SYT6: variants seen among roughly 807,000 people sequenced by gnomAD.
SYT6 encodes synaptotagmin 6.
In SYT6, 24 loss-of-function variants were observed where a neutral mutation model predicts 38.4. The observed-to-expected ratio is 0.62, with a 90% CI of 0.45 to 0.88. The LOEUF is 0.88. Ranked by LOEUF, SYT6 falls within the 40% of genes least tolerant of loss-of-function variation. The pLI is 0.00. For synonymous variants in SYT6, 265 were observed against 241.9 expected (o/e 1.10, Z -0.89); for missense variants, 611 against 621.0 (o/e 0.98, Z 0.17).
At chr1:114,109,861 T>C (rs1260685075) in intron 3 of SYT6, among the ~76,000 whole-genome samples, 5 of 152,174 alleles carry the variant, frequency 3.3e-5, no homozygotes, top group African/African-American at 4.8e-5. Context: ...GACAGGTCAG[T>C]AAAAGTAGAT....
chr1:114,153,346 G>A (rs1393284214), intron 1 of SYT6, among the ~76,000 whole-genome samples: 1 of 152,220 alleles, frequency 6.6e-6, no homozygotes, highest in African/African-American at 2.4e-5. Context: ...CGTCCTGGGA[G>A]CCTGGCTGTC....
At position 114,133,734 on chromosome 1, in the gene SYT6, C is replaced by A. The variant is rs377067627; in HGVS notation, c.1071+3761G>T. On this transcript the variant is annotated intron_variant, in intron 3 of 7. Transcript: ENST00000610222. ...ACGAGGCCTCCGACTGCCCTGCAGG[C>A]CCGGTTTGCTCTGGCTCTCCAGCCA... 2.6e-5 allele frequency among the ~76,000 whole-genome samples: 4 copies of A among 152,328 alleles called. No homozygotes were observed. The East Asian group carries it at 7.7e-4, about 29-fold the overall frequency.
intron 3 of SYT6, among the ~76,000 whole-genome samples, chr1:114,107,161 G>C (rs77022746): frequency 6.6e-6 from 1 of 152,158 alleles, no homozygotes; most frequent in East Asian, 1.9e-4. Flanking sequence ...TGTCTCTTTT[G>C]GGGGAGTCTG....
At chr1:114,093,830 T>G in intron 6 of SYT6, 27 bp from the exon 7 acceptor site, 1 of 1,612,028 alleles carries the variant, frequency 6.2e-7, no homozygotes, top group East Asian at 2.2e-5. Context: ...GATAAATAAA[T>G]GCCTGGTTGT....
intron 1 of SYT6, among the ~76,000 whole-genome samples, chr1:114,151,889 T>C (rs560907339): frequency 3.9e-5 from 6 of 152,262 alleles, no homozygotes; most frequent in African/African-American, 1.4e-4. Flanking sequence ...GGGAATCAAC[T>C]TCCCCAACCT....
chr1:114,132,429 G>A (rs915235771), intron 3 of SYT6, among the ~76,000 whole-genome samples: 22 of 152,138 alleles, frequency 1.4e-4, no homozygotes, highest in Admixed American at 1.2e-3. Context: ...GTGGGGTTTC[G>A]GCCTCTGCTG....
intron 3 of SYT6, among the ~76,000 whole-genome samples, chr1:114,123,767 AC>A (rs2101047192): frequency 6.6e-6 from 1 of 152,226 alleles, no homozygotes; most frequent in African/African-American, 2.4e-5. Flanking sequence ...TTCTTCAAAT[AC>A]TAAGGGTGAG....
rs1459205699 is a variant in SYT6 at position 114,090,673 on chromosome 1, A to C, written c.*1461T>G. 2.6e-5 allele frequency: 4 copies of C among 152,400 alleles called. No homozygotes were observed. The highest frequency in any genetic ancestry group is 5.9e-5 in the Non-Finnish European group (4 of 68,040). The allele number at this position is 152,400 out of a possible 1,614,324, so 9.4% of individuals were successfully genotyped here. A position where few individuals can be genotyped will look rare whatever the true frequency, so the allele number is the denominator to read the frequency against. ...TTGCAAGTAGTACACACAGCTCAGG[A>C]AACTGGCACTGTGTCGCCACAAGTC... On this transcript the variant is annotated 3_prime_UTR_variant, in exon 8 of 8. Coordinates refer to ENST00000610222, the MANE Select transcript of SYT6 (RefSeq NM_001253772.2).
At chr1:114,116,390 A>G (rs560443529) in intron 3 of SYT6, among the ~76,000 whole-genome samples, 2 of 152,146 alleles carry the variant, frequency 1.3e-5, no homozygotes, top group Non-Finnish European at 2.9e-5. Context: ...AGATCTTTGT[A>G]CCTGAGGTCT....
intron 3 of SYT6, among the ~76,000 whole-genome samples, chr1:114,108,332 C>T (rs1676454497): frequency 6.6e-6 from 1 of 152,210 alleles, no homozygotes; most frequent in Admixed American, 6.5e-5. Context: ...TAAAGCACTT[C>T]TCTCTACTTG....
At chr1:114,111,312 A>G (rs1303852715) in intron 3 of SYT6, among the ~76,000 whole-genome samples, 1 of 152,170 alleles carries the variant, frequency 6.6e-6, no homozygotes, top group Non-Finnish European at 1.5e-5. Flanking sequence ...GATGGCTACT[A>G]CTATTATCAC....
At chr1:114,141,431 A>G (rs563903959) in intron 1 of SYT6, among the ~76,000 whole-genome samples, 1 of 152,356 alleles carries the variant, frequency 6.6e-6, no homozygotes, top group East Asian at 1.9e-4. Flanking sequence ...CCTTTCTTTC[A>G]TTCTATGAAG....
intron 6 of SYT6, among the ~76,000 whole-genome samples, chr1:114,094,797 A>T (rs918748775): frequency 6.6e-6 from 1 of 152,210 alleles, no homozygotes; most frequent in Non-Finnish European, 1.5e-5. Flanking sequence ...TACAAATGGG[A>T]GATACAAGTT....
In SYT6 at chr1:114,097,722, C is replaced by T. The variant is rs1480594040; in HGVS notation, c.1515+5G>A. 6.2e-7 allele frequency: 1 copy of T among 1,613,710 alleles called. No homozygotes were observed. Among genetic ancestry groups the T allele is most frequent in the South Asian group, 1.1e-5 (1 of 91,034 alleles). On this transcript the variant is annotated splice_donor_5th_base_variant and intron_variant, in intron 6 of 7. Transcript: ENST00000610222. ...ACATGCCAAGGGCCAGGTGACCTCA[C>T]CCACCTCTTTGAAGGATTTCTTTAC...
intron 3 of SYT6, among the ~76,000 whole-genome samples, chr1:114,113,938 A>T (rs1676841130): frequency 6.6e-6 from 1 of 152,062 alleles, no homozygotes; most frequent in Non-Finnish European, 1.5e-5. Context: ...AACGGGGCTG[A>T]CTCTTCAGCC....
At chr1:114,144,775 C>T (rs1679070235) in intron 1 of SYT6, among the ~76,000 whole-genome samples, 1 of 152,192 alleles carries the variant, frequency 6.6e-6, no homozygotes, top group Admixed American at 6.5e-5. Flanking sequence ...GATCCCACAT[C>T]AGGGGCCAAG....
chr1:114,153,053 C>T (rs1255519157), intron 1 of SYT6: 1 of 150,524 alleles, frequency 6.6e-6, no homozygotes, highest in Non-Finnish European at 1.5e-5. Context: ...CGGAAAACCA[C>T]TCGCAGCCGG....
chr1:114,092,018 G>A lies in SYT6; in HGVS notation c.*116C>T, dbSNP rs773329163. The A allele has an allele frequency of 9.1e-6, 14 of 1,536,162 alleles. No individual in the cohort carries two copies. Among genetic ancestry groups the A allele is most frequent in the Admixed American group, 2.0e-5 (1 of 50,980 alleles). On this transcript the variant is annotated 3_prime_UTR_variant, in exon 8 of 8. Transcript: ENST00000610222. ...GTTATTTGGCTGCACATCTCATGGTGTTGGAGGTGGTTTCGGAGATGGGCA... is the reference window on the plus strand; with the variant it reads ...GTTATTTGGCTGCACATCTCATGGTATTGGAGGTGGTTTCGGAGATGGGCA...
In SYT6 at chr1:114,139,972, G is replaced by A. The variant is rs767962130; in HGVS notation, c.164-9C>T. ...GAGGCTGACAGAGGTGCCTGCCCTC[G>A]GCATGAGCCAGGCAGGGAGGGACAG... On this transcript the variant is annotated splice_polypyrimidine_tract_variant and intron_variant, in intron 1 of 7. Coordinates refer to ENST00000610222, the MANE Select transcript of SYT6 (RefSeq NM_001253772.2). The A allele has an allele frequency of 1.1e-5, 16 of 1,471,430 alleles. No individual in the cohort carries two copies. The highest frequency in any genetic ancestry group is 1.8e-4 in the Middle Eastern group (1 of 5,540). 91.1% of individuals were successfully genotyped at this position (1,471,430 alleles called of 1,614,324 possible).
Sources: gnomAD v4.1 joint callset for allele counts (sites outside exome capture counted in the v4.1 genomes callset) on GRCh38, gnomAD v4.1.1 for gene constraint, MANE v1.5 for transcripts, NCBI Gene and HGNC (gene_info 2026-07-23, HGNC 2026-07-21) for gene names.